The following EHBP1 variants were observed in gnomAD, a reference collection of about 807,000 sequenced individuals.
The protein encoded by EHBP1 is EH domain-binding protein 1.
Under a neutral mutation model 144.0 loss-of-function variants are expected in EHBP1, and 55 were observed. The ratio of observed to expected loss-of-function variants is 0.38; its 90% CI spans 0.31 to 0.48. The LOEUF (loss-of-function observed/expected upper bound fraction) is 0.48, where lower values mean the gene tolerates loss of function less well. Ranked by LOEUF, EHBP1 falls within the 20% of genes least tolerant of loss-of-function variation. EHBP1 has a pLI of 0.98. For missense variants in EHBP1, 1,200 were observed against 1,364.2 expected (o/e 0.88, Z 1.90); for synonymous variants, 469 against 472.7 (o/e 0.99, Z 0.10).
intron 15 of EHBP1, among the ~76,000 whole-genome samples, chr2:62,985,444 G>T (rs146309132): frequency 6.6e-5 from 10 of 152,112 alleles, no homozygotes; most frequent in African/African-American, 2.2e-4. Context: ...AGGTACTTCC[G>T]TTGAAAACTG....
At chr2:62,981,404 G>A (rs1176969646) in intron 15 of EHBP1, among the ~76,000 whole-genome samples, 1 of 152,176 alleles carries the variant, frequency 6.6e-6, no homozygotes, top group Non-Finnish European at 1.5e-5. Flanking sequence ...CCTTCCTGTG[G>A]CATCATAAAG....
chr2:62,874,315 G>A (rs753619742), intron 9 of EHBP1, 31 bp from the exon 10 acceptor site: 8 of 1,446,448 alleles, frequency 5.5e-6, no homozygotes, highest in Non-Finnish European at 7.5e-6. Context: ...TTTTTTGAGA[G>A]ACATCTAACA....
In EHBP1 at chr2:62,969,447, T is replaced by A. The variant is rs186384021; in HGVS notation, c.2461-9741T>A. Among the ~76,000 whole-genome samples, 237 of 152,284 alleles carry A rather than the reference T, an allele frequency of 1.6e-3. 4 individuals are homozygous for A. The highest frequency in any genetic ancestry group is 0.015 in the Admixed American group (226 of 15,294). ...TATCTTGAAACAAAGAGATATATTTTAAAAACTAGAGTATGATATATTCAT... is the reference window on the plus strand; with the variant it reads ...TATCTTGAAACAAAGAGATATATTTAAAAAACTAGAGTATGATATATTCAT... On this transcript the variant is annotated intron_variant, in intron 14 of 22. Transcript: ENST00000431489.
chr2:63,003,843 A>G (rs895552614), intron 19 of EHBP1, among the ~76,000 whole-genome samples: 2 of 152,078 alleles, frequency 1.3e-5, no homozygotes, highest in African/African-American at 2.4e-5. Flanking sequence ...ATTTAATTTT[A>G]TAGTTTAGAA....
chr2:62,785,702 G>A (rs1192686853), intron 5 of EHBP1, among the ~76,000 whole-genome samples: 1 of 151,916 alleles, frequency 6.6e-6, no homozygotes, highest in African/African-American at 2.4e-5. Flanking sequence ...TTAAGGCCCT[G>A]TATTCTCCTT....
At chr2:62,725,913 G>A (rs1486184233) in intron 2 of EHBP1, among the ~76,000 whole-genome samples, 1 of 152,088 alleles carries the variant, frequency 6.6e-6, no homozygotes, top group Non-Finnish European at 1.5e-5. Flanking sequence ...GTCAAGCACT[G>A]TTGCTAGCAT....
At position 63,029,840 on chromosome 2, in the gene EHBP1, T is replaced by G. The variant is rs570134816; in HGVS notation, c.3104-7695T>G. Among the ~76,000 whole-genome samples the G allele has an allele frequency of 8.5e-5, 13 of 152,332 alleles. No homozygotes were observed. The South Asian group carries it at 2.7e-3, about 32-fold the overall frequency. On this transcript the variant is annotated intron_variant, in intron 19 of 22. Coordinates refer to ENST00000431489, the MANE Select transcript of EHBP1 (RefSeq NM_001142616.3). ...ACCTCCCAGATTCAAGCGATTCTTC[T>G]GCCTCAGCCTCCCGAGTAGCTGGGA...
rs538350368 is a variant in EHBP1 at position 62,716,717 on chromosome 2, C to T, written c.104+9422C>T. On this transcript the variant is annotated intron_variant, in intron 2 of 22. Coordinates refer to ENST00000431489, the MANE Select transcript of EHBP1 (RefSeq NM_001142616.3). ...GGTTCAGCAGCCATCTTTATTCCTG[C>T]GACAAATAGTCTCTTGTGAGAGGAA... Among the ~76,000 whole-genome samples, 14 of 152,286 alleles carry T rather than the reference C, an allele frequency of 9.2e-5. No homozygotes were observed. In the South Asian group the frequency reaches 2.3e-3, roughly 25 times the overall value.
At chr2:62,952,701 T>TA (rs1447847939) in intron 13 of EHBP1, among the ~76,000 whole-genome samples, 1 of 152,154 alleles carries the variant, frequency 6.6e-6, no homozygotes, top group Admixed American at 6.5e-5. Flanking sequence ...TGATAAATGT[T>TA]AAAGTTTGAA....
chr2:63,022,676 T>C (rs2060807332), intron 19 of EHBP1, among the ~76,000 whole-genome samples: 2 of 152,214 alleles, frequency 1.3e-5, no homozygotes, highest in African/African-American at 2.4e-5. Context: ...TTACTCATTA[T>C]GTTTTTAACA....
At chr2:62,911,689 T>TG (rs2054229557) in intron 10 of EHBP1, among the ~76,000 whole-genome samples, 1 of 152,162 alleles carries the variant, frequency 6.6e-6, no homozygotes, top group Admixed American at 6.5e-5. Flanking sequence ...CTCGAACTCC[T>TG]GACTTCAGGT....
intron 2 of EHBP1, among the ~76,000 whole-genome samples, chr2:62,742,222 A>ATC (rs1161899809): frequency 6.6e-6 from 1 of 152,042 alleles, no homozygotes; most frequent in Non-Finnish European, 1.5e-5. Context: ...CTATATCTCT[A>ATC]TCTATCGTTA....
chr2:62,934,401 T>G (rs964229611), intron 10 of EHBP1, among the ~76,000 whole-genome samples: 1 of 152,224 alleles, frequency 6.6e-6, no homozygotes, highest in Admixed American at 6.5e-5. Flanking sequence ...TTTTTGCCCC[T>G]TTTCCTATTG....
chr2:62,846,484 G>T (rs1444263008), intron 7 of EHBP1, among the ~76,000 whole-genome samples: 1 of 152,114 alleles, frequency 6.6e-6, no homozygotes, highest in South Asian at 2.1e-4. Context: ...CAATAGAAGA[G>T]AATTTATTTA....
At chr2:63,010,988 A>G (rs2060241104) in intron 19 of EHBP1, among the ~76,000 whole-genome samples, 1 of 151,740 alleles carries the variant, frequency 6.6e-6, no homozygotes, top group Admixed American at 6.6e-5. Flanking sequence ...AGAGGGCAAC[A>G]GAATTGAAAA....
At chr2:62,915,726 TA>T (rs2054561330) in intron 10 of EHBP1, among the ~76,000 whole-genome samples, 1 of 151,930 alleles carries the variant, frequency 6.6e-6, no homozygotes, top group African/African-American at 2.4e-5. Context: ...AAATTTTTTT[TA>T]AAATAATTGT....
chr2:62,800,715 G>T (rs1469594815), intron 5 of EHBP1, among the ~76,000 whole-genome samples: 1 of 152,140 alleles, frequency 6.6e-6, no homozygotes, highest in Non-Finnish European at 1.5e-5. Context: ...GTAAAGAAAT[G>T]ACCATATCCT....
intron 5 of EHBP1, among the ~76,000 whole-genome samples, chr2:62,815,008 C>T (rs113285293): frequency 0.021 from 3,219 of 152,262 alleles, 82 homozygotes; most frequent in African/African-American, 0.064. Flanking sequence ...TGAAATGGCA[C>T]TTATAGAAGC....
intron 5 of EHBP1, among the ~76,000 whole-genome samples, chr2:62,819,616 T>C (rs768897701): frequency 4.5e-4 from 68 of 151,380 alleles, no homozygotes; most frequent in Admixed American, 1.4e-3. Context: ...ATACAAAAAT[T>C]AACTAGGCAT....
Sources: gnomAD v4.1 joint callset for allele counts (sites outside exome capture counted in the v4.1 genomes callset) on GRCh38, gnomAD v4.1.1 for gene constraint, MANE v1.5 for transcripts, NCBI Gene and HGNC (gene_info 2026-07-23, HGNC 2026-07-21) for gene names.